The following SHROOM3 variants were observed in gnomAD, a reference collection of about 807,000 sequenced individuals.
SHROOM3 encodes protein Shroom3.
A neutral mutation model predicts 138.6 loss-of-function variants in SHROOM3; 47 were observed. The ratio of observed to expected loss-of-function variants is 0.34; its 90% CI spans 0.27 to 0.43. SHROOM3 has a LOEUF of 0.43. SHROOM3 is among the 20% of genes least tolerant of loss of function. The probability of loss-of-function intolerance (pLI) is 1.00; values close to 1 mark genes in which losing one functional copy is unlikely to be tolerated. For missense variants in SHROOM3, 2,491 were observed against 2,596.5 expected (o/e 0.96, Z 0.88); for synonymous variants, 1,062 against 1,063.3 (o/e 1.00, Z 0.02).
At chr4:76,531,626 T>C (rs1484412142) in intron 1 of SHROOM3, among the ~76,000 whole-genome samples, 1 of 152,184 alleles carries the variant, frequency 6.6e-6, no homozygotes, top group Non-Finnish European at 1.5e-5. Context: ...CTATAAGGAA[T>C]AAATATTGAT....
At chr4:76,498,809 G>GT (rs1732023887) in intron 1 of SHROOM3, among the ~76,000 whole-genome samples, 1 of 151,964 alleles carries the variant, frequency 6.6e-6, no homozygotes. Flanking sequence ...TTGTGTTCTG[G>GT]TTTTATGCAA....
intron 2 of SHROOM3, among the ~76,000 whole-genome samples, chr4:76,626,519 C>T (rs10010680): frequency 0.3 from 45,030 of 152,048 alleles, 7,033 homozygotes; most frequent in East Asian, 0.52. Flanking sequence ...TTCAGATAAC[C>T]ATGATTGCAG....
chr4:76,525,343 C>T (rs1732667083), intron 1 of SHROOM3, among the ~76,000 whole-genome samples: 1 of 152,148 alleles, frequency 6.6e-6, no homozygotes, highest in Non-Finnish European at 1.5e-5. Context: ...CACTCACTGT[C>T]ATGAGAACAT....
intron 1 of SHROOM3, among the ~76,000 whole-genome samples, chr4:76,519,114 T>C (rs4371638): frequency 0.62 from 93,935 of 152,042 alleles, 30,429 homozygotes; most frequent in African/African-American, 0.82. Context: ...TTCTGGTTGG[T>C]TAGGCTTAGG....
intron 2 of SHROOM3, among the ~76,000 whole-genome samples, chr4:76,602,729 C>T (rs866118556): frequency 5.9e-5 from 9 of 152,108 alleles, no homozygotes; most frequent in Admixed American, 2.0e-4. Flanking sequence ...TGTATAAATA[C>T]GACAGAAGAG....
chr4:76,673,074 T>A (rs940348896), intron 2 of SHROOM3, among the ~76,000 whole-genome samples: 6 of 152,200 alleles, frequency 3.9e-5, no homozygotes, highest in African/African-American at 1.4e-4. Context: ...TTTTGAAAAG[T>A]CCCTTCCCTA....
At chr4:76,690,771 AT>A (rs1482563043) in intron 2 of SHROOM3, among the ~76,000 whole-genome samples, 1 of 152,192 alleles carries the variant, frequency 6.6e-6, no homozygotes, top group Non-Finnish European at 1.5e-5. Context: ...ATAAACTCTT[AT>A]AACAACATCT....
intron 1 of SHROOM3, among the ~76,000 whole-genome samples, chr4:76,469,647 G>A (rs548721823): frequency 5.3e-5 from 8 of 152,194 alleles, no homozygotes; most frequent in Non-Finnish European, 7.4e-5. Flanking sequence ...AGTAGAGACC[G>A]GGTTTCACCG....
In SHROOM3 at chr4:76,739,768, A is replaced by T. The variant is rs891589857; in HGVS notation, c.1595A>T (p.Gln532Leu). The T allele has an allele frequency of 6.2e-7, 1 of 1,614,086 alleles. No individual in the cohort carries two copies. The highest frequency in any genetic ancestry group is 1.7e-5 in the Admixed American group (1 of 60,006). ...GGCAGGCCTGGGTTTGCCTTCTGCC[A>T]GCCCTTAGAACATGACTTGCTGTCC... is the stretch of plus-strand genomic sequence containing the variant. ...GSGRPGFAFC[Q>L]PLEHDLLSPV... is the part of the protein sequence containing the mutation. The change falls in exon 5 of 11, where the codon CAG (glutamine) becomes CTG (leucine). Residue 532 changes from glutamine to leucine, a missense_variant. This residue lies in a region of SHROOM3 where 1,733 missense variants were observed against 1,661.6 expected (regional missense o/e 1.04). Coordinates refer to ENST00000296043, the MANE Select transcript of SHROOM3 (RefSeq NM_020859.4).
At chr4:76,605,962 C>CAT (rs1271192832) in intron 2 of SHROOM3, among the ~76,000 whole-genome samples, 2 of 117,882 alleles carry the variant, frequency 1.7e-5, no homozygotes, top group African/African-American at 6.6e-5. Context: ...TATATATATA[C>CAT]ATATATATAC....
intron 1 of SHROOM3, among the ~76,000 whole-genome samples, chr4:76,530,993 G>T (rs1208976572): frequency 6.6e-6 from 1 of 152,160 alleles, no homozygotes; most frequent in Non-Finnish European, 1.5e-5. Flanking sequence ...GCCTAAAATG[G>T]CAACCCTCTA....
chr4:76,782,092 G>A lies in SHROOM3; in HGVS notation c.*2915G>A, dbSNP rs1335348580. 1.3e-5 allele frequency: 2 copies of A among 152,156 alleles called. No homozygotes were observed. The highest frequency in any genetic ancestry group is 1.5e-5 in the Non-Finnish European group (1 of 68,042). The allele number at this position is 152,156 out of a possible 1,614,324, so 9.4% of individuals were successfully genotyped here. A position where few individuals can be genotyped will look rare whatever the true frequency, so the allele number is the denominator to read the frequency against. On this transcript the variant is annotated 3_prime_UTR_variant, in exon 11 of 11. Transcript: ENST00000296043. ...TCCTGGGCCACTTGAGAAGTTCCTG[G>A]GCATGTCACTACATGTTGGTTGACT...
chr4:76,452,878 G>A (rs926824762), intron 1 of SHROOM3, among the ~76,000 whole-genome samples: 2 of 151,916 alleles, frequency 1.3e-5, no homozygotes, highest in African/African-American at 2.4e-5. Flanking sequence ...CCACCATGCC[G>A]AGCTAATTTT....
rs1203975248 is a variant in SHROOM3 at position 76,782,891 on chromosome 4, G to A, written c.*3714G>A. On this transcript the variant is annotated 3_prime_UTR_variant, in exon 11 of 11. Coordinates refer to ENST00000296043, the MANE Select transcript of SHROOM3 (RefSeq NM_020859.4). ...AAAGACCATTTTAATATCAGAAAGG[G>A]TTGTCTTATTAATTTTTAAATAAAA... is the stretch of plus-strand genomic sequence containing the variant. The A allele has an allele frequency of 1.3e-5, 2 of 152,300 alleles. No individual in the cohort carries two copies. Among genetic ancestry groups the A allele is most frequent in the Non-Finnish European group, 1.5e-5 (1 of 68,012 alleles). The allele number at this position is 152,300 out of a possible 1,614,324, so 9.4% of individuals were successfully genotyped here.
intron 1 of SHROOM3, among the ~76,000 whole-genome samples, chr4:76,510,500 C>T (rs1560528966): frequency 6.6e-6 from 1 of 152,086 alleles, no homozygotes; most frequent in Non-Finnish European, 1.5e-5. Flanking sequence ...TAGTTGTTGC[C>T]TTATAGGGTT....
chr4:76,491,280 A>G (rs1317298087), intron 1 of SHROOM3, among the ~76,000 whole-genome samples: 4 of 152,210 alleles, frequency 2.6e-5, no homozygotes, highest in East Asian at 1.9e-4. Context: ...TGCCATGAAT[A>G]GAAATGGGGA....
chr4:76,457,474 A>G (rs542130226), intron 1 of SHROOM3, among the ~76,000 whole-genome samples: 5 of 151,404 alleles, frequency 3.3e-5, no homozygotes, highest in Non-Finnish European at 7.4e-5. Context: ...CCGTGAGTCA[A>G]CTAAACCTCT....
At chr4:76,711,572 GGTCCCAAGTACTCTGGA>G (rs1418824644) in intron 3 of SHROOM3, among the ~76,000 whole-genome samples, 2 of 152,034 alleles carry the variant, frequency 1.3e-5, no homozygotes, top group Non-Finnish European at 2.9e-5. Context: ...ACACACCTGT[GGTCCCAAGTACTCTGGA>G]GGCTGAGGTG....
chr4:76,455,594 A>G (rs142346443), intron 1 of SHROOM3, among the ~76,000 whole-genome samples: 11 of 152,296 alleles, frequency 7.2e-5, no homozygotes, highest in Admixed American at 3.9e-4. Context: ...CACAAAAGCT[A>G]CATTGGCAAA....
Sources: allele counts gnomAD v4.1 joint callset (sites outside exome capture counted in the v4.1 genomes callset), GRCh38; gene constraint gnomAD v4.1.1; regional missense constraint gnomAD v4.1.1; transcripts MANE v1.5; gene names NCBI Gene and HGNC (gene_info 2026-07-23, HGNC 2026-07-21).